TLL1: variants seen among roughly 807,000 people sequenced by gnomAD.
TLL1 encodes the protein tolloid-like protein 1.
Under a neutral mutation model 128.2 loss-of-function variants are expected in TLL1, and 49 were observed. That is an observed-to-expected ratio of 0.38 (90% confidence interval 0.30 to 0.48). The LOEUF (loss-of-function observed/expected upper bound fraction) is 0.48. Ranked by LOEUF, TLL1 falls within the 20% of genes least tolerant of loss-of-function variation. The pLI is 0.96. For missense variants in TLL1, 1,123 were observed against 1,242.0 expected (o/e 0.90, Z 1.44); for synonymous variants, 454 against 418.8 (o/e 1.08, Z -1.03).
chr4:166,018,318 A>G (rs1338637669), intron 8 of TLL1, among the ~76,000 whole-genome samples: 5 of 152,298 alleles, frequency 3.3e-5, no homozygotes, highest in Admixed American at 6.5e-5. Flanking sequence ...GATGAATTAA[A>G]GATTTAAATG....
chr4:165,984,460 G>T (rs911787386), intron 1 of TLL1, among the ~76,000 whole-genome samples: 2 of 151,784 alleles, frequency 1.3e-5, no homozygotes, highest in African/African-American at 4.8e-5. Context: ...AAAAATAGTT[G>T]ACTTTTGAGA....
intron 1 of TLL1, among the ~76,000 whole-genome samples, chr4:165,883,777 T>A (rs1731060995): frequency 6.6e-6 from 1 of 152,158 alleles, no homozygotes; most frequent in Non-Finnish European, 1.5e-5. Context: ...ACTTTTCAAT[T>A]GAGAAGATAA....
chr4:166,056,154 C>T (rs573609709), intron 13 of TLL1, among the ~76,000 whole-genome samples: 46 of 151,964 alleles, frequency 3.0e-4, no homozygotes, highest in Non-Finnish European at 5.2e-4. Context: ...TAAAAGAATT[C>T]ATTAAAATCT....
intron 1 of TLL1, among the ~76,000 whole-genome samples, chr4:165,877,235 T>G (rs1730758971): frequency 6.6e-6 from 1 of 152,264 alleles, no homozygotes. Context: ...ATAGGATTTT[T>G]ATTCAGAAAG....
chr4:165,995,133 G>T lies in TLL1; in HGVS notation c.587G>T (p.Arg196Ile), dbSNP rs755944848. 1.9e-6 allele frequency: 3 copies of T among 1,613,908 alleles called. No homozygotes were observed. In the African/African-American group the frequency reaches 4.0e-5, roughly 22 times the overall value. Residue 196 changes from arginine to isoleucine, a missense_variant, in exon 5 of 21, where the codon AGA becomes ATA. This residue lies in a region of TLL1 where 480 missense variants were observed against 542.4 expected (regional missense o/e 0.89). Coordinates refer to ENST00000061240, the MANE Select transcript of TLL1 (RefSeq NM_012464.5). ...CACACATGTGTGACTTTCATAGAAA[G>T]AAGTGATGAAGAGAGTTACATTGTA... ...EKHTCVTFIE[R>I]SDEESYIVFT...
chr4:166,041,339 T>C (rs1024987372), intron 10 of TLL1, among the ~76,000 whole-genome samples: 4 of 150,048 alleles, frequency 2.7e-5, no homozygotes, highest in African/African-American at 9.8e-5. Context: ...TCTTGCTCTG[T>C]CGCCAGGCTG....
intron 1 of TLL1, among the ~76,000 whole-genome samples, chr4:165,961,426 G>A (rs937908815): frequency 2.0e-5 from 3 of 152,030 alleles, no homozygotes; most frequent in Non-Finnish European, 4.4e-5. Context: ...CATGATTCCT[G>A]TCAAACTGCC....
intron 17 of TLL1, 21 bp downstream of exon 17, chr4:166,075,024 T>G (rs1338000972): frequency 1.9e-6 from 3 of 1,612,244 alleles, no homozygotes; most frequent in East Asian, 2.2e-5. Flanking sequence ...GAATACACTT[T>G]TTTTGACAAC....
At chr4:166,051,937 C>T (rs913301436) in intron 12 of TLL1, among the ~76,000 whole-genome samples, 6 of 151,890 alleles carry the variant, frequency 4.0e-5, no homozygotes. Context: ...GCTATTTTTA[C>T]CTGTGAAATA....
intron 1 of TLL1, among the ~76,000 whole-genome samples, chr4:165,914,188 C>CT (rs1435294489): frequency 2.0e-5 from 3 of 152,046 alleles, no homozygotes; most frequent in Non-Finnish European, 4.4e-5. Flanking sequence ...TCCTGTTTGG[C>CT]TTTTTCTCTA....
intron 1 of TLL1, among the ~76,000 whole-genome samples, chr4:165,907,092 A>G (rs978480444): frequency 6.6e-6 from 1 of 152,192 alleles, no homozygotes; most frequent in Admixed American, 6.5e-5. Flanking sequence ...TTTGACATAC[A>G]TATATCAATG....
intron 1 of TLL1, among the ~76,000 whole-genome samples, chr4:165,923,825 C>T (rs986766445): frequency 7.9e-5 from 12 of 152,012 alleles, no homozygotes; most frequent in African/African-American, 2.9e-4. Flanking sequence ...CAACCCTGTG[C>T]CAATGCCATT....
intron 13 of TLL1, among the ~76,000 whole-genome samples, chr4:166,056,595 T>C (rs2111112717): frequency 6.6e-6 from 1 of 152,312 alleles, no homozygotes; most frequent in South Asian, 2.1e-4. Context: ...TTAATAATGA[T>C]ATTTCTTTAA....
At chr4:166,023,899 T>C (rs771431350) in intron 8 of TLL1, among the ~76,000 whole-genome samples, 44 of 151,076 alleles carry the variant, frequency 2.9e-4, no homozygotes, top group Non-Finnish European at 4.3e-4. Context: ...TTTAAACTGC[T>C]GTTAATTATA....
chr4:166,007,887 G>C (rs961231881), intron 6 of TLL1, 56 bp from the exon 7 acceptor site: 3 of 1,131,652 alleles, frequency 2.7e-6, no homozygotes, highest in Non-Finnish European at 4.0e-6. Flanking sequence ...AGGCCTTCTG[G>C]TCTATTTTCT....
At chr4:166,023,864 G>T (rs1210737044) in intron 8 of TLL1, among the ~76,000 whole-genome samples, 1 of 151,336 alleles carries the variant, frequency 6.6e-6, no homozygotes, top group African/African-American at 2.4e-5. Flanking sequence ...GCTTAGTGGG[G>T]TTTTAAATTA....
At chr4:166,060,213 T>C in intron 15 of TLL1, 25 bp downstream of exon 15, 1 of 1,612,728 alleles carries the variant, frequency 6.2e-7, no homozygotes, top group Non-Finnish European at 8.5e-7. Context: ...ACTGTAATTT[T>C]TTAAATCATG....
At chr4:165,981,533 T>C (rs1206711759) in intron 1 of TLL1, among the ~76,000 whole-genome samples, 2 of 152,072 alleles carry the variant, frequency 1.3e-5, no homozygotes, top group Non-Finnish European at 2.9e-5. Context: ...ATCTACTAGC[T>C]AAAACTTATG....
intron 6 of TLL1, among the ~76,000 whole-genome samples, chr4:166,007,032 T>A (rs17590182): frequency 0.037 from 5,659 of 151,818 alleles, 122 homozygotes; most frequent in Middle Eastern, 0.055. Flanking sequence ...AATTTGGAAT[T>A]CCTTTAGCTC....
Sources: allele counts gnomAD v4.1 joint callset (sites outside exome capture counted in the v4.1 genomes callset), GRCh38; gene constraint gnomAD v4.1.1; regional missense constraint gnomAD v4.1.1; transcripts MANE v1.5; gene names NCBI Gene and HGNC (gene_info 2026-07-23, HGNC 2026-07-21).